The following SYTL5 variants were observed in gnomAD, a reference collection of about 807,000 sequenced individuals.
SYTL5 encodes the protein synaptotagmin-like protein 5.
In SYTL5, 34 loss-of-function variants were observed where a neutral mutation model predicts 55.9. The ratio of observed to expected loss-of-function variants is 0.61; its 90% CI spans 0.46 to 0.81. The LOEUF (loss-of-function observed/expected upper bound fraction) is 0.81, where lower values mean the gene tolerates loss of function less well. Among genes scored for constraint, SYTL5 ranks in the 30% least tolerant of loss-of-function variants. SYTL5 has a pLI of 0.00. For synonymous variants in SYTL5, 221 were observed against 188.7 expected (o/e 1.17, Z -1.40); for missense variants, 637 against 546.7 (o/e 1.17, Z -1.65).
At chrX:38,120,732 A>G (rs1323332974) in intron 14 of SYTL5, among the ~76,000 whole-genome samples, 1 of 110,094 alleles carries the variant, frequency 9.1e-6, no homozygotes, top group Admixed American at 9.7e-5. Context: ...AAGATATAGG[A>G]TCTTCCCCCA....
chrX:37,915,352 C>G, the SYTL5 span, among the ~76,000 whole-genome samples: 2 of 111,408 alleles, frequency 1.8e-5, no homozygotes, highest in Non-Finnish European at 3.8e-5. Context: ...TCATTTGTGC[C>G]CTGGAACCTT....
chrX:38,078,934 T>C (rs978788642), intron 6 of SYTL5, among the ~76,000 whole-genome samples: 3 of 112,267 alleles, frequency 2.7e-5, no homozygotes, highest in Non-Finnish European at 5.6e-5. Context: ...CTTAAGCATG[T>C]TAAGAACAAT....
the SYTL5 span, among the ~76,000 whole-genome samples, chrX:37,915,164 G>A: frequency 1.8e-5 from 2 of 111,478 alleles, no homozygotes; most frequent in African/African-American, 6.6e-5. Flanking sequence ...GTGTGCGCGC[G>A]CATGCACGTG....
chrX:38,082,898 G>A (rs1282268829), intron 6 of SYTL5, among the ~76,000 whole-genome samples: 1 of 112,246 alleles, frequency 8.9e-6, no homozygotes, highest in Non-Finnish European at 1.9e-5. Flanking sequence ...AAGAGATGAG[G>A]AGATGGAGAG....
upstream of SYTL5, among the ~76,000 whole-genome samples, chrX:38,006,341 T>TA (rs1431387206): frequency 1.8e-5 from 2 of 111,572 alleles, no homozygotes; most frequent in Admixed American, 9.6e-5. Context: ...AACACTGGTG[T>TA]AAAAAATACC....
chrX:37,983,903 G>T, the SYTL5 span, among the ~76,000 whole-genome samples: 2 of 111,771 alleles, frequency 1.8e-5, no homozygotes, highest in African/African-American at 3.2e-5. Context: ...GGTGGAAGAA[G>T]AAATCAAAAT....
chrX:38,046,128 C>G (rs936435246), intron 2 of SYTL5, among the ~76,000 whole-genome samples: 5 of 111,594 alleles, frequency 4.5e-5, no homozygotes, highest in Non-Finnish European at 9.4e-5. Flanking sequence ...GGTCTGAATC[C>G]TGACCTCCTT....
chrX:38,094,985 G>A (rs9697987), intron 8 of SYTL5, among the ~76,000 whole-genome samples: 1 of 110,874 alleles, frequency 9.0e-6, no homozygotes, highest in Non-Finnish European at 1.9e-5. Flanking sequence ...AATGTTAATA[G>A]CTATGACTAA....
chrX:37,975,349 G>A, the SYTL5 span, among the ~76,000 whole-genome samples: 1 of 112,193 alleles, frequency 8.9e-6, no homozygotes, highest in African/African-American at 3.2e-5. Flanking sequence ...AGGTATGGGT[G>A]TTTACAGTAG....
chrX:37,943,307 C>T, the SYTL5 span, among the ~76,000 whole-genome samples: 1 of 111,686 alleles, frequency 9.0e-6, no homozygotes, highest in African/African-American at 3.3e-5. Flanking sequence ...TGTTTAAGGA[C>T]TCTTGCTAAA....
the SYTL5 span, among the ~76,000 whole-genome samples, chrX:37,970,664 G>A: frequency 4.5e-5 from 5 of 111,537 alleles, no homozygotes; most frequent in Non-Finnish European, 7.5e-5. Flanking sequence ...CAAAAACTGT[G>A]ATAGCCAATA....
chrX:38,064,065 ATATGTGTG>A (rs1160161761), intron 3 of SYTL5, among the ~76,000 whole-genome samples: 5 of 96,728 alleles, frequency 5.2e-5, no homozygotes, highest in Non-Finnish European at 1.0e-4. Context: ...ATACATATAT[ATATGTGTG>A]TGTGTGTGTG....
intron 1 of SYTL5, among the ~76,000 whole-genome samples, chrX:38,027,252 G>C (rs1298368513): frequency 8.9e-6 from 1 of 112,113 alleles, no homozygotes; most frequent in African/African-American, 3.2e-5. Flanking sequence ...TTCCACAACA[G>C]TAAAGCAAAA....
the SYTL5 span, among the ~76,000 whole-genome samples, chrX:37,941,756 A>C: frequency 8.9e-6 from 1 of 112,161 alleles, no homozygotes; most frequent in Admixed American, 9.5e-5. Context: ...ACACTGTGAG[A>C]GCCACTGTAC....
chrX:37,938,472 T>G, the SYTL5 span, among the ~76,000 whole-genome samples: 2 of 112,462 alleles, frequency 1.8e-5, no homozygotes, highest in African/African-American at 6.5e-5. Flanking sequence ...TCCTTGTTGT[T>G]CATAAAGTCA....
chrX:37,921,142 G>A, the SYTL5 span, among the ~76,000 whole-genome samples: 1 of 111,449 alleles, frequency 9.0e-6, no homozygotes, highest in Non-Finnish European at 1.9e-5. Context: ...AACCCTAAGA[G>A]TAAGTGCCAT....
the SYTL5 span, among the ~76,000 whole-genome samples, chrX:37,936,997 C>A: frequency 1.9e-5 from 2 of 106,510 alleles, no homozygotes; most frequent in Non-Finnish European, 3.9e-5. Flanking sequence ...TTGCAGTGAA[C>A]CGAGATCATG....
chrX:37,913,709 C>A, the SYTL5 span, among the ~76,000 whole-genome samples: 4 of 112,270 alleles, frequency 3.6e-5, no homozygotes, highest in African/African-American at 1.3e-4. Context: ...CCATCCTTGG[C>A]CTGATAATTC....
chrX:38,112,938 G>A (rs1937394391), intron 13 of SYTL5, among the ~76,000 whole-genome samples: 1 of 112,171 alleles, frequency 8.9e-6, no homozygotes, highest in Non-Finnish European at 1.9e-5. Context: ...CTAGTAATAG[G>A]GGATCAGAAT....
Sources: gnomAD v4.1 joint callset for allele counts (sites outside exome capture counted in the v4.1 genomes callset) on GRCh38, gnomAD v4.1.1 for gene constraint, MANE v1.5 for transcripts, NCBI Gene and HGNC (gene_info 2026-07-23, HGNC 2026-07-21) for gene names.